Variants in RIGI observed in about 807,000 individuals in gnomAD.
The protein encoded by RIGI is antiviral innate immune response receptor RIG-I.
At chr9:32,477,253 T>C in the RIGI span, 1 of 1,131,942 alleles carries the variant, frequency 8.8e-7, no homozygotes, top group African/African-American at 1.6e-5. Flanking sequence ...TTATGAGTAG[T>C]AAGTACTGTT....
chr9:32,459,191 CTA>C, the RIGI span, among the ~76,000 whole-genome samples: 1 of 152,168 alleles, frequency 6.6e-6, no homozygotes, highest in African/African-American at 2.4e-5. Flanking sequence ...TGGCCAAAAA[CTA>C]TTTCTTTATT....
the RIGI span, among the ~76,000 whole-genome samples, chr9:32,476,497 C>T: frequency 6.6e-6 from 1 of 151,424 alleles, no homozygotes; most frequent in Admixed American, 6.6e-5. Context: ...AGAGTGAGAC[C>T]CCGTCTCTAA....
chr9:32,491,240 AG>A, the RIGI span: 5 of 1,579,224 alleles, frequency 3.2e-6, no homozygotes, highest in African/African-American at 6.9e-5. Context: ...CTGCAAAACA[AG>A]CCCCCACACC....
At chr9:32,481,336 G>A in the RIGI span, 59 of 1,608,586 alleles carry the variant, frequency 3.7e-5, no homozygotes, top group African/African-American at 2.4e-4. Context: ...AAAGAGGAAC[G>A]TACCCGCAAA....
the RIGI span, among the ~76,000 whole-genome samples, chr9:32,525,524 T>C: frequency 4.6e-3 from 697 of 152,358 alleles, 3 homozygotes; most frequent in African/African-American, 0.016. Context: ...GAAACACCTG[T>C]ATTAAAGCCT....
chr9:32,504,260 G>A, the RIGI span, among the ~76,000 whole-genome samples: 2 of 152,144 alleles, frequency 1.3e-5, no homozygotes, highest in African/African-American at 4.8e-5. Flanking sequence ...GTGGGCACGG[G>A]GGGAATGTGG....
At chr9:32,521,432 AG>A in the RIGI span, among the ~76,000 whole-genome samples, 1 of 152,144 alleles carries the variant, frequency 6.6e-6, no homozygotes, top group East Asian at 1.9e-4. Context: ...CGCCTATCAA[AG>A]GGTAAATGTG....
chr9:32,494,051 A>G, the RIGI span: 3 of 806,510 alleles, frequency 3.7e-6, no homozygotes, highest in Non-Finnish European at 5.7e-6. Context: ...AATTCAAAAA[A>G]TATCTGTAAA....
At chr9:32,523,025 C>G in the RIGI span, among the ~76,000 whole-genome samples, 10 of 152,250 alleles carry the variant, frequency 6.6e-5, no homozygotes, top group Admixed American at 5.9e-4. Context: ...ACACCAGGCC[C>G]CTCATTTATC....
chr9:32,462,404 CTTTT>C, the RIGI span, among the ~76,000 whole-genome samples: 3 of 85,900 alleles, frequency 3.5e-5, no homozygotes, highest in African/African-American at 4.5e-5. Context: ...TTAGATCTAG[CTTTT>C]TTTTTTTTTT....
the RIGI span, chr9:32,480,327 C>T: frequency 4.4e-6 from 7 of 1,606,502 alleles, no homozygotes; most frequent in Admixed American, 8.3e-5. Flanking sequence ...CGTGCATGCT[C>T]ACTGATAATG....
At chr9:32,458,382 A>G in the RIGI span, among the ~76,000 whole-genome samples, 4 of 152,354 alleles carry the variant, frequency 2.6e-5, no homozygotes, top group Middle Eastern at 0.014. Context: ...GAAAAGAGAA[A>G]AAAAGTCATG....
the RIGI span, among the ~76,000 whole-genome samples, chr9:32,472,287 C>T: frequency 2.0e-5 from 3 of 152,134 alleles, no homozygotes; most frequent in African/African-American, 7.2e-5. Context: ...GATGATAATG[C>T]GTGCAAGCAT....
chr9:32,467,441 G>A, the RIGI span, among the ~76,000 whole-genome samples: 5 of 152,292 alleles, frequency 3.3e-5, no homozygotes, highest in South Asian at 8.3e-4. Flanking sequence ...CTTGAATACA[G>A]GGGGCCCTTC....
At chr9:32,475,573 C>T in the RIGI span, among the ~76,000 whole-genome samples, 1 of 151,482 alleles carries the variant, frequency 6.6e-6, no homozygotes, top group African/African-American at 2.4e-5. Context: ...GTCTTGTCAA[C>T]ATAGAGAACT....
chr9:32,500,377 T>C, the RIGI span, among the ~76,000 whole-genome samples: 16 of 152,230 alleles, frequency 1.1e-4, no homozygotes, highest in Non-Finnish European at 2.1e-4. Context: ...TTTTTCCATT[T>C]AGGACTTCTT....
chr9:32,480,240 C>T, the RIGI span: 3 of 1,605,318 alleles, frequency 1.9e-6, no homozygotes, highest in Non-Finnish European at 2.6e-6. Context: ...TGAGTAAGAT[C>T]TTGCTCAATC....
the RIGI span, among the ~76,000 whole-genome samples, chr9:32,506,598 T>C: frequency 6.6e-6 from 1 of 152,236 alleles, no homozygotes; most frequent in African/African-American, 2.4e-5. Context: ...TAGGGAAATG[T>C]TATATAATCT....
the RIGI span, among the ~76,000 whole-genome samples, chr9:32,475,053 G>C: frequency 6.6e-6 from 1 of 152,172 alleles, no homozygotes; most frequent in African/African-American, 2.4e-5. Flanking sequence ...CCAGGTTCAA[G>C]TGATTCTCCT....
Sources: allele counts gnomAD v4.1 joint callset (sites outside exome capture counted in the v4.1 genomes callset), GRCh38; gene constraint gnomAD v4.1.1; transcripts MANE v1.5; gene names NCBI Gene and HGNC (gene_info 2026-07-23, HGNC 2026-07-21).